The following ISM2 variants were observed in gnomAD, a reference collection of about 807,000 sequenced individuals.
ISM2 encodes isthmin-2.
Under a neutral mutation model 58.0 loss-of-function variants are expected in ISM2, and 50 were observed. The observed-to-expected ratio is 0.86, with a 90% CI of 0.69 to 1.09. ISM2 has a LOEUF of 1.09. ISM2 is among the 50% of genes least tolerant of loss of function. The pLI, the probability that ISM2 is intolerant of heterozygous loss-of-function variation, is 0.00. For missense variants in ISM2, 723 were observed against 745.0 expected, an observed-to-expected ratio of 0.97 and a Z score of 0.34; for synonymous variants, 303 against 312.4, an observed-to-expected ratio of 0.97 and a Z score of 0.32.
intron 3 of ISM2, among the ~76,000 whole-genome samples, chr14:77,483,363 G>C (rs1416356198): frequency 6.6e-6 from 1 of 152,088 alleles, no homozygotes; most frequent in African/African-American, 2.4e-5. Flanking sequence ...TTCGAGACCA[G>C]CCTGGCCAAC....
At position 77,478,739 on chromosome 14, in the gene ISM2, G is replaced by C. The variant is rs1448591909; in HGVS notation, c.974-24C>G. On this transcript the variant is annotated intron_variant, in intron 4 of 6. Transcript: ENST00000342219. The stretch of plus-strand genomic sequence containing the variant: ...GTCTGGGTTAAGACAGGGAGTTGGG[G>C]GTGAGTGCATATAGCTCACAGGGCA... 2.5e-6 allele frequency: 4 copies of C among 1,601,718 alleles called. No individual in the cohort carries two copies. The African/African-American group carries it at 5.4e-5, about 21-fold the overall frequency.
Position 77,475,718 on chromosome 14 carries a change from G to T in ISM2, c.1593C>A (p.Ile531=). ...GGCGGCTCCAGTCCCCCTTGCACAG[G>T]ATCCAGGGCGTCGTGTCGAACTTGA... ...LHFKFDTTPW[I]LCKGDWSRLH... The change falls in exon 7 of 7, where the codon ATC becomes ATA. Residue 531 remains isoleucine, a synonymous_variant. Transcript: ENST00000342219. This position sits in a 1 kb window ranked among gnomAD's most constrained non-coding sequence, Gnocchi z 4.1. 1 of 1,614,144 alleles carries T rather than the reference G, an allele frequency of 6.2e-7. No individual in the cohort carries two copies. Among genetic ancestry groups the T allele is most frequent in the Non-Finnish European group, 8.5e-7 (1 of 1,180,042 alleles).
intron 1 of ISM2, among the ~76,000 whole-genome samples, chr14:77,495,999 G>C (rs2079237275): frequency 6.6e-6 from 1 of 151,858 alleles, no homozygotes; most frequent in African/African-American, 2.4e-5. Context: ...GATCACTTGA[G>C]GTCAGGAGTT....
chr14:77,483,668 G>A (rs1312480541), intron 3 of ISM2, among the ~76,000 whole-genome samples: 2 of 152,076 alleles, frequency 1.3e-5, no homozygotes, highest in African/African-American at 2.4e-5. Flanking sequence ...GTCTGTGTGT[G>A]TGTGTGTAGG....
Position 77,484,931 on chromosome 14 carries a change from A to G in ISM2, c.142-12T>C. On this transcript the variant is annotated splice_polypyrimidine_tract_variant and intron_variant, in intron 1 of 6. Transcript: ENST00000342219. ...GGGGAGGCTGAGACCTGAGGGAGAG[A>G]GAAGGAAGGTAAGGTAACAGGTCAG... 1 of 1,535,268 alleles carries G rather than the reference A, an allele frequency of 6.5e-7. No homozygotes were observed. The highest frequency in any genetic ancestry group is 8.7e-7 in the Non-Finnish European group (1 of 1,143,562).
At chr14:77,485,059 G>T in intron 1 of ISM2, 140 bp from the exon 2 acceptor site, 4 of 869,652 alleles carry the variant, frequency 4.6e-6, no homozygotes, top group South Asian at 1.8e-5. Flanking sequence ...TCTCTCTGGA[G>T]TGTGTATCTG....
At chr14:77,483,465 T>C (rs2079145470) in intron 3 of ISM2, among the ~76,000 whole-genome samples, 1 of 151,806 alleles carries the variant, frequency 6.6e-6, no homozygotes, top group Non-Finnish European at 1.5e-5. Flanking sequence ...GGAAAATTTA[T>C]TGAACCCAGG....
At position 77,482,623 on chromosome 14, in the gene ISM2, T is replaced by C; in HGVS notation, c.672A>G (p.Ile224Met). Reference protein sequence around the residue: ...VVEDPQAEVSIDLLAEPSNPP... With the variant: ...VVEDPQAEVSMDLLAEPSNPP... ...GATTGCTGGGCTCAGCCAACAGGTC[T>C]ATCGACACCTCGGCCTGGGGGTCCT... The change falls in exon 4 of 7, where the codon ATA becomes ATG. Residue 224 changes from isoleucine to methionine, a missense_variant. By Grantham distance (10) the Ile-to-Met change is conservative (BLOSUM62 1). Transcript: ENST00000342219. 2 of 1,588,222 alleles carry C rather than the reference T, an allele frequency of 1.3e-6. No homozygotes were observed. Among genetic ancestry groups the C allele is most frequent in the African/African-American group, 2.7e-5 (2 of 74,298 alleles).
In ISM2 at chr14:77,475,618, A is replaced by G. The variant is rs746951137; in HGVS notation, c.1693T>C (p.Leu565=). 6.3e-7 allele frequency: 1 copy of G among 1,590,102 alleles called. No homozygotes were observed. Among genetic ancestry groups the G allele is most frequent in the Admixed American group, 1.7e-5 (1 of 57,542 alleles). ...NPLEEEYLAQ[L]QEAKEY Reference sequence around the variant, plus strand: ...CACTAGTACTCCTTGGCCTCCTGCAACTGTGCTAGGTACTCCTCCTCCAGG... The same window carrying G: ...CACTAGTACTCCTTGGCCTCCTGCAGCTGTGCTAGGTACTCCTCCTCCAGG... The change falls in exon 7 of 7, where the codon TTG becomes CTG. Residue 565 remains leucine, a synonymous_variant. Coordinates refer to ENST00000342219, the MANE Select transcript of ISM2 (RefSeq NM_199296.3). The surrounding 1 kb of genome is among the most constrained non-coding windows in gnomAD (Gnocchi z 4.1).
chr14:77,486,395 G>C (rs1004104034), intron 1 of ISM2, among the ~76,000 whole-genome samples: 1 of 152,332 alleles, frequency 6.6e-6, no homozygotes, highest in Non-Finnish European at 1.5e-5. Context: ...TCCCAGGGCA[G>C]CCGTGGGCCC....
chr14:77,481,956 C>G (rs2079134611), intron 4 of ISM2, among the ~76,000 whole-genome samples: 1 of 151,484 alleles, frequency 6.6e-6, no homozygotes, highest in Admixed American at 6.6e-5. Context: ...AAAAATTAGC[C>G]TGCCCTGGTG....
chr14:77,491,117 C>T (rs562328365), intron 1 of ISM2, among the ~76,000 whole-genome samples: 51 of 152,344 alleles, frequency 3.3e-4, no homozygotes, highest in Non-Finnish European at 6.0e-4. Context: ...GGCAATCCAG[C>T]CCCTGCTTCC....
intron 5 of ISM2, 103 bp from the exon 6 acceptor site, chr14:77,478,428 C>T (rs61992417): frequency 0.048 from 67,993 of 1,430,572 alleles, 1,975 homozygotes; most frequent in Non-Finnish European, 0.058. Flanking sequence ...CCCACAGCAG[C>T]CAAAATAGGC....
At chr14:77,487,487 C>T (rs1274674399) in intron 1 of ISM2, among the ~76,000 whole-genome samples, 1 of 152,162 alleles carries the variant, frequency 6.6e-6, no homozygotes, top group African/African-American at 2.4e-5. Context: ...TTCCAGACCT[C>T]TCTACCCACT....
At chr14:77,497,479 G>A (rs1392204626) in intron 1 of ISM2, among the ~76,000 whole-genome samples, 1 of 151,284 alleles carries the variant, frequency 6.6e-6, no homozygotes, top group Non-Finnish European at 1.5e-5. Flanking sequence ...GAGGTCAGAA[G>A]TTCAAGACCA....
chr14:77,491,765 C>T (rs1182334040), intron 1 of ISM2, among the ~76,000 whole-genome samples: 2 of 145,692 alleles, frequency 1.4e-5, no homozygotes, highest in Admixed American at 7.1e-5. Context: ...GGCACAATCT[C>T]GGCTCACTGC....
Position 77,492,556 on chromosome 14 carries a change from G to T in ISM2, c.141+6097C>A, listed in dbSNP as rs1435972602. Among the ~76,000 whole-genome samples the T allele has an allele frequency of 8.7e-5, 11 of 125,892 alleles. 1 individual carries two copies. Among genetic ancestry groups the T allele is most frequent in the African/African-American group, 3.0e-4 (10 of 33,072 alleles). The allele number at this position is 125,892 out of a possible 152,430, so 82.6% of individuals were successfully genotyped here. Reference sequence around the variant, plus strand: ...TTTTTTCAAGACAGGGTCTTGCTCTGTTGCCCAGGATGGAGTACAGTAGTG... The same window carrying T: ...TTTTTTCAAGACAGGGTCTTGCTCTTTTGCCCAGGATGGAGTACAGTAGTG... On this transcript the variant is annotated intron_variant, in intron 1 of 6. Coordinates refer to ENST00000342219, the MANE Select transcript of ISM2 (RefSeq NM_199296.3).
intron 1 of ISM2, among the ~76,000 whole-genome samples, chr14:77,495,859 C>T (rs1247290647): frequency 2.0e-5 from 3 of 152,090 alleles, no homozygotes; most frequent in Admixed American, 2.0e-4. Context: ...TAAGATATTA[C>T]AATGGTTTGT....
At chr14:77,491,034 G>A (rs10145609) in intron 1 of ISM2, among the ~76,000 whole-genome samples, 46,638 of 152,146 alleles carry the variant, frequency 0.31, 7,614 homozygotes, top group African/African-American at 0.42. Context: ...CCCACAACCA[G>A]ATAAAATCAG....
Sources: allele counts gnomAD v4.1 joint callset (sites outside exome capture counted in the v4.1 genomes callset), GRCh38; gene constraint gnomAD v4.1.1; non-coding constraint Gnocchi (gnomAD v3.1); transcripts MANE v1.5; gene names NCBI Gene and HGNC (gene_info 2026-07-23, HGNC 2026-07-21).